ANKH: variants seen among roughly 807,000 people sequenced by gnomAD.
ANKH encodes the protein mineralization regulator ANKH.
Under a neutral mutation model 49.0 loss-of-function variants are expected in ANKH, and 15 were observed. The ratio of observed to expected loss-of-function variants is 0.31; its 90% CI spans 0.20 to 0.47. The LOEUF (loss-of-function observed/expected upper bound fraction) is 0.47. ANKH is among the 20% of genes least tolerant of loss of function. The probability of loss-of-function intolerance (pLI) is 1.00; values close to 1 mark genes in which losing one functional copy is unlikely to be tolerated. For missense variants in ANKH, 429 were observed against 652.0 expected (o/e 0.66, Z 3.72); for synonymous variants, 273 against 260.0 (o/e 1.05, Z -0.48).
chr5:14,869,892 T>C (rs1735765407), intron 1 of ANKH: 2 of 152,166 alleles, frequency 1.3e-5, no homozygotes, highest in Admixed American at 6.5e-5. Context: ...AGCCTTAAAA[T>C]AGGAAAGGCT....
At position 14,705,910 on chromosome 5, in the gene ANKH, G is replaced by A. The variant is rs1736930698; in HGVS notation, c.*5287C>T. ...TCAGGGAACCAGCATCTACCCGGTT[G>A]TAATGTTCCCCTAATGTTCCCCAAC... On this transcript the variant is annotated 3_prime_UTR_variant, in exon 12 of 12. Coordinates refer to ENST00000284268, the MANE Select transcript of ANKH (RefSeq NM_054027.6). 1.3e-5 allele frequency: 2 copies of A among 151,712 alleles called. No individual in the cohort carries two copies. The highest frequency in any genetic ancestry group is 4.8e-5 in the African/African-American group (2 of 41,502). The allele number at this position is 151,712 out of a possible 1,614,324, so 9.4% of individuals were successfully genotyped here.
intron 1 of ANKH, among the ~76,000 whole-genome samples, chr5:14,791,022 A>C (rs1408981752): frequency 6.6e-6 from 1 of 152,208 alleles, no homozygotes; most frequent in Non-Finnish European, 1.5e-5. Context: ...CAAGGTAGAG[A>C]GTCTCAGCTC....
intron 1 of ANKH, among the ~76,000 whole-genome samples, chr5:14,802,748 C>T (rs1190469347): frequency 1.3e-5 from 2 of 152,108 alleles, no homozygotes; most frequent in Non-Finnish European, 2.9e-5. Flanking sequence ...CTACACATCC[C>T]TCGTCTCAAT....
At chr5:14,835,981 G>A (rs759673266) in intron 1 of ANKH, among the ~76,000 whole-genome samples, 17 of 152,114 alleles carry the variant, frequency 1.1e-4, no homozygotes, top group South Asian at 4.1e-4. Flanking sequence ...ATCAATAAAC[G>A]TAATCCATCA....
intron 8 of ANKH, among the ~76,000 whole-genome samples, chr5:14,731,798 C>A (rs1180756954): frequency 6.6e-6 from 1 of 152,234 alleles, no homozygotes; most frequent in Non-Finnish European, 1.5e-5. Context: ...TAGCCTTAGG[C>A]TGCACTAGGG....
At chr5:14,818,069 A>G (rs1741090236) in intron 1 of ANKH, among the ~76,000 whole-genome samples, 1 of 130,712 alleles carries the variant, frequency 7.7e-6, no homozygotes, top group Non-Finnish European at 1.6e-5. Flanking sequence ...GTCTCAAAAA[A>G]AAAAAAAAAA....
chr5:14,771,403 GATCTA>G (rs1322024457), intron 1 of ANKH, among the ~76,000 whole-genome samples: 1 of 152,180 alleles, frequency 6.6e-6, no homozygotes, highest in African/African-American at 2.4e-5. Context: ...TGACACAGCT[GATCTA>G]CATAAACTGC....
At chr5:14,843,875 G>A (rs1213256094) in intron 1 of ANKH, among the ~76,000 whole-genome samples, 1 of 152,124 alleles carries the variant, frequency 6.6e-6, no homozygotes, top group Non-Finnish European at 1.5e-5. Context: ...CATACACAGT[G>A]GGCACACATT....
intron 8 of ANKH, chr5:14,741,437 G>A: frequency 3.9e-6 from 1 of 254,550 alleles, no homozygotes; most frequent in South Asian, 4.3e-5. Flanking sequence ...AACTGGAAAG[G>A]AAATTTTACT....
At chr5:14,721,045 G>A (rs1321564940) in intron 8 of ANKH, among the ~76,000 whole-genome samples, 1 of 152,204 alleles carries the variant, frequency 6.6e-6, no homozygotes, top group Non-Finnish European at 1.5e-5. Flanking sequence ...AGTGGGTGGG[G>A]GGTCAGCTTG....
chr5:14,861,760 A>C (rs1735502365), intron 1 of ANKH, among the ~76,000 whole-genome samples: 1 of 152,184 alleles, frequency 6.6e-6, no homozygotes, highest in Non-Finnish European at 1.5e-5. Flanking sequence ...GGACCTGCAA[A>C]CTAACTTAAA....
chr5:14,833,473 C>T (rs957441841), intron 1 of ANKH, among the ~76,000 whole-genome samples: 5 of 152,188 alleles, frequency 3.3e-5, no homozygotes, highest in African/African-American at 1.2e-4. Context: ...ATCTTTATGG[C>T]ATTTAGAGCA....
intron 3 of ANKH, among the ~76,000 whole-genome samples, chr5:14,756,649 T>TA (rs1202578883): frequency 6.6e-6 from 1 of 152,232 alleles, no homozygotes; most frequent in African/African-American, 2.4e-5. Context: ...CAAGATTTTG[T>TA]ACAGCAACAG....
chr5:14,796,988 G>A (rs1463191085), intron 1 of ANKH: 1 of 1,119,372 alleles, frequency 8.9e-7, no homozygotes, highest in Non-Finnish European at 1.2e-6. Context: ...CACTGTTTGG[G>A]CTAATAGCAT....
Position 14,745,991 on chromosome 5 carries a change from C to T in ANKH, c.823-29G>A, listed in dbSNP as rs1371781544. 4.4e-6 allele frequency: 7 copies of T among 1,592,042 alleles called. No homozygotes were observed. The East Asian group carries it at 1.6e-4, about 36-fold the overall frequency. On this transcript the variant is annotated intron_variant, in intron 6 of 11. Coordinates refer to ENST00000284268, the MANE Select transcript of ANKH (RefSeq NM_054027.6). This position sits in a 1 kb window ranked among gnomAD's most constrained non-coding sequence, Gnocchi z 4.7. ...CAACAGGAAGAGGTGGCAGAGTTAG[C>T]AGGGTACCAGCAGGAAGTCCTCCAG...
rs1371883012 is a variant in ANKH at position 14,769,052 on chromosome 5, C to G, written c.236G>C (p.Ser79Thr). 4.3e-6 allele frequency: 7 copies of G among 1,614,220 alleles called. No homozygotes were observed. Among genetic ancestry groups the G allele is most frequent in the Non-Finnish European group, 5.9e-6 (7 of 1,180,046 alleles). Residue 79 changes from serine to threonine, a missense_variant, in exon 2 of 12, where the codon AGC (serine) becomes ACC (threonine). Physicochemically the swap from Ser to Thr is moderately conservative, Grantham distance 58 (BLOSUM62 1). This residue lies in a region of ANKH where 378 missense variants were observed against 615.3 expected (regional missense o/e 0.61). Coordinates refer to ENST00000284268, the MANE Select transcript of ANKH (RefSeq NM_054027.6). ...GACGGCTTTGGTCCTGTCTCTCTTGCTGTTCACAAACACCAGGCCCACATT... is the reference window on the plus strand; with the variant it reads ...GACGGCTTTGGTCCTGTCTCTCTTGGTGTTCACAAACACCAGGCCCACATT... ...FKNVGLVFVN[S>T]KRDRTKAVLC... is the part of the protein sequence containing the mutation.
intron 1 of ANKH, among the ~76,000 whole-genome samples, chr5:14,853,570 CTG>C (rs1333800289): frequency 6.6e-6 from 1 of 152,120 alleles, no homozygotes; most frequent in Non-Finnish European, 1.5e-5. Flanking sequence ...GAACAAGACT[CTG>C]TCTCAATAAA....
intron 1 of ANKH, among the ~76,000 whole-genome samples, chr5:14,815,493 C>T (rs1741008245): frequency 6.6e-6 from 1 of 152,218 alleles, no homozygotes; most frequent in African/African-American, 2.4e-5. Context: ...CACTTACTTT[C>T]TCCCATCAAT....
chr5:14,846,294 A>G (rs1033529855), intron 1 of ANKH, among the ~76,000 whole-genome samples: 1 of 152,196 alleles, frequency 6.6e-6, no homozygotes, highest in Non-Finnish European at 1.5e-5. Context: ...TACTATTTCC[A>G]TGATACAAGG....
Sources: gnomAD v4.1 joint callset for allele counts (sites outside exome capture counted in the v4.1 genomes callset) on GRCh38, gnomAD v4.1.1 for gene constraint, gnomAD v4.1.1 regional missense constraint, Gnocchi (gnomAD v3.1) non-coding constraint, MANE v1.5 for transcripts, NCBI Gene and HGNC (gene_info 2026-07-23, HGNC 2026-07-21) for gene names.